The following CDH18 variants were observed in gnomAD, a reference collection of about 807,000 sequenced individuals.
The protein encoded by CDH18 is cadherin 18.
CDH18 carries 31 observed loss-of-function variants against 67.9 expected under a neutral mutation model. The ratio of observed to expected loss-of-function variants is 0.46; its 90% CI spans 0.34 to 0.62. CDH18 has a LOEUF of 0.62. Among genes scored for constraint, CDH18 ranks in the 20% least tolerant of loss-of-function variants. The pLI is 0.01. For synonymous variants in CDH18, 362 were observed against 347.2 expected, an observed-to-expected ratio of 1.04 and a Z score of -0.48; for missense variants, 890 against 975.5, an observed-to-expected ratio of 0.91 and a Z score of 1.17.
At chr5:19,866,537 C>T (rs543092584) in intron 2 of CDH18, among the ~76,000 whole-genome samples, 19 of 152,200 alleles carry the variant, frequency 1.2e-4, no homozygotes, top group South Asian at 4.1e-4. Context: ...GAAGGCGTGG[C>T]GAACCTATCT....
chr5:19,670,636 T>TG (rs1428773987), intron 5 of CDH18, among the ~76,000 whole-genome samples: 2 of 152,154 alleles, frequency 1.3e-5, no homozygotes, highest in African/African-American at 4.8e-5. Flanking sequence ...ATGGCAATAC[T>TG]TTTTAAAAGC....
At chr5:20,378,578 A>G (rs1325593622) in intron 1 of CDH18, among the ~76,000 whole-genome samples, 1 of 152,182 alleles carries the variant, frequency 6.6e-6, no homozygotes, top group Non-Finnish European at 1.5e-5. Context: ...TGATGTGTAT[A>G]ATGATAACTA....
At chr5:19,937,408 G>A (rs1794390219) in intron 2 of CDH18, among the ~76,000 whole-genome samples, 2 of 151,382 alleles carry the variant, frequency 1.3e-5, no homozygotes, top group South Asian at 4.1e-4. Flanking sequence ...TGTGTGTGAG[G>A]CACAATGGCT....
At chr5:19,999,636 A>C (rs949605874) in intron 2 of CDH18, among the ~76,000 whole-genome samples, 1 of 152,150 alleles carries the variant, frequency 6.6e-6, no homozygotes, top group Non-Finnish European at 1.5e-5. Flanking sequence ...TAGTAATAAT[A>C]ATAATAATTC....
At chr5:20,012,314 C>T (rs1358608797) in intron 2 of CDH18, among the ~76,000 whole-genome samples, 1 of 131,514 alleles carries the variant, frequency 7.6e-6, no homozygotes, top group Non-Finnish European at 1.6e-5. Flanking sequence ...TTACTTGAAT[C>T]TTCTCTCTTT....
chr5:19,607,670 G>A (rs1389396848), intron 6 of CDH18, among the ~76,000 whole-genome samples: 1 of 151,270 alleles, frequency 6.6e-6, no homozygotes, highest in African/African-American at 2.4e-5. Flanking sequence ...ATCAACAAAA[G>A]CAAGAGAAAT....
chr5:19,614,326 GA>G (rs1166761941), intron 5 of CDH18, among the ~76,000 whole-genome samples: 3 of 151,154 alleles, frequency 2.0e-5, no homozygotes, highest in Non-Finnish European at 4.4e-5. Flanking sequence ...AGGGAATTCA[GA>G]AAAATTTTCC....
At chr5:20,032,250 A>T (rs1158547164) in intron 2 of CDH18, among the ~76,000 whole-genome samples, 1 of 150,552 alleles carries the variant, frequency 6.6e-6, no homozygotes, top group African/African-American at 2.4e-5. Flanking sequence ...TATATATATA[A>T]TATATATATA....
At chr5:20,545,408 G>A (rs1453308346) in intron 1 of CDH18, among the ~76,000 whole-genome samples, 2 of 152,190 alleles carry the variant, frequency 1.3e-5, no homozygotes, top group Non-Finnish European at 2.9e-5. Flanking sequence ...GGTTCTCCAT[G>A]AGGGCTCCAC....
At chr5:20,238,961 T>C (rs570486474) in intron 2 of CDH18, among the ~76,000 whole-genome samples, 2 of 152,298 alleles carry the variant, frequency 1.3e-5, no homozygotes, top group South Asian at 4.1e-4. Flanking sequence ...TACCTCTTGA[T>C]AGATACATGC....
intron 2 of CDH18, among the ~76,000 whole-genome samples, chr5:20,224,701 T>C (rs1262568667): frequency 6.6e-6 from 1 of 152,124 alleles, no homozygotes; most frequent in Non-Finnish European, 1.5e-5. Context: ...AAATAGTGTT[T>C]CTCTTTTTAC....
rs1475355151 is a variant in CDH18, at chr5:19,471,827, T to A, written c.*1399A>T. Among the ~76,000 whole-genome samples, 1 of 152,166 alleles carries A rather than the reference T, an allele frequency of 6.6e-6. No homozygotes were observed. On this transcript the variant is annotated 3_prime_UTR_variant, in exon 13 of 13. Coordinates refer to ENST00000382275, the MANE Select transcript of CDH18 (RefSeq NM_004934.5). The stretch of plus-strand genomic sequence containing the variant: ...GTGATAATATTTTATGCCAGATGCA[T>A]GTAAATATATATTTATAAGCTAATG...
chr5:20,317,968 C>T (rs1737629086), intron 1 of CDH18, among the ~76,000 whole-genome samples: 1 of 152,140 alleles, frequency 6.6e-6, no homozygotes, highest in South Asian at 2.1e-4. Flanking sequence ...ATATTCTCTA[C>T]TTGGACTTTA....
chr5:19,733,295 C>A (rs1361034154), intron 4 of CDH18, among the ~76,000 whole-genome samples: 1 of 152,180 alleles, frequency 6.6e-6, no homozygotes, highest in African/African-American at 2.4e-5. Flanking sequence ...CCTACCCTTT[C>A]CTAATTGTTT....
At chr5:20,361,306 C>T (rs1742070125) in intron 1 of CDH18, among the ~76,000 whole-genome samples, 1 of 151,902 alleles carries the variant, frequency 6.6e-6, no homozygotes, top group Non-Finnish European at 1.5e-5. Flanking sequence ...AACTGAAAAA[C>T]TGTTACATTA....
chr5:20,488,342 C>T (rs892372266), intron 1 of CDH18, among the ~76,000 whole-genome samples: 7 of 152,124 alleles, frequency 4.6e-5, no homozygotes, highest in South Asian at 2.1e-4. Context: ...AGGATTTTCA[C>T]GTACCCTTTT....
chr5:19,615,247 T>C (rs2150121856), intron 5 of CDH18, among the ~76,000 whole-genome samples: 1 of 152,210 alleles, frequency 6.6e-6, no homozygotes. Flanking sequence ...AATCAGAAAG[T>C]GTTACAGCCA....
chr5:20,443,967 T>C (rs901262455), intron 1 of CDH18, among the ~76,000 whole-genome samples: 9 of 151,958 alleles, frequency 5.9e-5, no homozygotes, highest in Non-Finnish European at 8.8e-5. Flanking sequence ...AATGGAGGTA[T>C]TCAATTCTAA....
chr5:19,922,242 C>T (rs751249085), intron 2 of CDH18, among the ~76,000 whole-genome samples: 55 of 152,242 alleles, frequency 3.6e-4, no homozygotes, highest in Non-Finnish European at 7.1e-4. Flanking sequence ...AGGGTTTAAA[C>T]TAAACCATTT....
Sources: gnomAD v4.1 joint callset for allele counts (sites outside exome capture counted in the v4.1 genomes callset) on GRCh38, gnomAD v4.1.1 for gene constraint, MANE v1.5 for transcripts, NCBI Gene and HGNC (gene_info 2026-07-23, HGNC 2026-07-21) for gene names.